ANO2: variants seen among roughly 807,000 people sequenced by gnomAD.
ANO2 encodes the protein anoctamin 2.
In ANO2, 101 loss-of-function variants were observed where a neutral mutation model predicts 124.2. That is an observed-to-expected ratio of 0.81 (90% confidence interval 0.69 to 0.96). The LOEUF is 0.96. ANO2 is among the 40% of genes least tolerant of loss of function. ANO2 has a pLI of 0.00. For missense variants in ANO2, 1,293 were observed against 1,274.5 expected, an observed-to-expected ratio of 1.01 and a Z score of -0.22; for synonymous variants, 486 against 482.5, an observed-to-expected ratio of 1.01 and a Z score of -0.09.
intron 10 of ANO2, among the ~76,000 whole-genome samples, chr12:5,758,671 G>T (rs1378746059): frequency 6.6e-6 from 1 of 152,164 alleles, no homozygotes; most frequent in East Asian, 1.9e-4. Flanking sequence ...AGTTTGTAGT[G>T]CAGTGCACTG....
At chr12:5,656,488 A>T (rs1393132059) in intron 14 of ANO2, among the ~76,000 whole-genome samples, 1 of 152,108 alleles carries the variant, frequency 6.6e-6, no homozygotes, top group Non-Finnish European at 1.5e-5. Context: ...CCCAGTTGTC[A>T]TGGGGTCTAC....
At chr12:5,839,107 T>C (rs979248407) in intron 4 of ANO2, among the ~76,000 whole-genome samples, 1 of 152,192 alleles carries the variant, frequency 6.6e-6, no homozygotes, top group African/African-American at 2.4e-5. Context: ...CCCTGAGAGA[T>C]GGGAGACAGA....
At chr12:5,767,944 G>A (rs1951947974) in intron 10 of ANO2, among the ~76,000 whole-genome samples, 2 of 152,118 alleles carry the variant, frequency 1.3e-5, no homozygotes, top group East Asian at 1.9e-4. Flanking sequence ...CAGTCCACTT[G>A]TTCATGAGAA....
chr12:5,742,841 C>G (rs1215208667), intron 12 of ANO2, among the ~76,000 whole-genome samples: 1 of 152,046 alleles, frequency 6.6e-6, no homozygotes, highest in African/African-American at 2.4e-5. Flanking sequence ...CAGTGACTTC[C>G]CAGGCAACAA....
At chr12:5,711,671 T>C (rs1949823746) in intron 14 of ANO2, among the ~76,000 whole-genome samples, 1 of 152,204 alleles carries the variant, frequency 6.6e-6, no homozygotes, top group Non-Finnish European at 1.5e-5. Flanking sequence ...ATCCAGACAG[T>C]GCCTGTACAT....
chr12:5,650,034 G>T (rs982815256), intron 14 of ANO2, among the ~76,000 whole-genome samples: 41 of 152,104 alleles, frequency 2.7e-4, no homozygotes, highest in African/African-American at 9.7e-4. Context: ...CACTCAATAG[G>T]GATTCTGAAG....
chr12:5,842,090 G>A (rs1447342566), intron 4 of ANO2, among the ~76,000 whole-genome samples: 1 of 152,020 alleles, frequency 6.6e-6, no homozygotes, highest in African/African-American at 2.4e-5. Context: ...TTGTTGGCCA[G>A]GTTGGTCTTG....
chr12:5,840,995 C>T (rs926831289), intron 4 of ANO2, among the ~76,000 whole-genome samples: 1 of 152,014 alleles, frequency 6.6e-6, no homozygotes, highest in East Asian at 1.9e-4. Context: ...ACCAGCTGGG[C>T]AAGGATGGAA....
At chr12:5,812,299 A>T (rs755430812) in intron 7 of ANO2, among the ~76,000 whole-genome samples, 1 of 120,350 alleles carries the variant, frequency 8.3e-6, no homozygotes, top group South Asian at 3.4e-4. Context: ...CAGGGGAAAG[A>T]AAGAAGAGGA....
chr12:5,720,441 C>G (rs1359612693), intron 14 of ANO2, among the ~76,000 whole-genome samples: 2 of 152,272 alleles, frequency 1.3e-5, no homozygotes, highest in Non-Finnish European at 2.9e-5. Flanking sequence ...AGTGAAATAA[C>G]GACCTTGGCC....
intron 14 of ANO2, among the ~76,000 whole-genome samples, chr12:5,697,836 G>A (rs61908145): frequency 0.12 from 18,179 of 152,244 alleles, 1,198 homozygotes; most frequent in East Asian, 0.21. Context: ...AGGGTCCCAC[G>A]CCCATGGAGC....
rs536793118 is a variant in ANO2 at position 5,627,116 on chromosome 12, C to T, written c.1816+8036G>A. The stretch of plus-strand genomic sequence containing the variant: ...TAGTCTTACATAACTGGTAGGGGTG[C>T]TCCACATACTTGGCCTATAACCGTA... On this transcript the variant is annotated intron_variant, in intron 16 of 24. Coordinates refer to ENST00000682330, the MANE Select transcript of ANO2 (RefSeq NM_001364791.2). Among the ~76,000 whole-genome samples, 5 of 152,328 alleles carry T rather than the reference C, an allele frequency of 3.3e-5. No individual in the cohort carries two copies. In the South Asian group the frequency reaches 6.2e-4, roughly 19 times the overall value.
At chr12:5,611,237 G>T (rs1944532539) in intron 19 of ANO2, among the ~76,000 whole-genome samples, 1 of 152,032 alleles carries the variant, frequency 6.6e-6, no homozygotes, top group Non-Finnish European at 1.5e-5. Flanking sequence ...CCAAAGTGCT[G>T]GGATTACAGC....
At chr12:5,713,167 G>C (rs746288875) in intron 14 of ANO2, among the ~76,000 whole-genome samples, 3 of 152,128 alleles carry the variant, frequency 2.0e-5, no homozygotes, top group Non-Finnish European at 4.4e-5. Flanking sequence ...CAGGGGATGA[G>C]CAGGAAGGGG....
At chr12:5,610,636 T>C (rs1284413718) in intron 19 of ANO2, among the ~76,000 whole-genome samples, 1 of 143,422 alleles carries the variant, frequency 7.0e-6, no homozygotes, top group Non-Finnish European at 1.5e-5. Context: ...TATATATGTA[T>C]ATATTTATAT....
chr12:5,916,975 G>A lies in ANO2; in HGVS notation c.534+4065C>T, dbSNP rs142234725. On this transcript the variant is annotated intron_variant, in intron 3 of 24. Coordinates refer to ENST00000682330, the MANE Select transcript of ANO2 (RefSeq NM_001364791.2). ...ACGCTGCAAGACAGTAGGCCACAAT[G>A]AGAGGTGGAAGTCTGATGACAGGGA... Among the ~76,000 whole-genome samples the A allele has an allele frequency of 3.9e-5, 6 of 152,298 alleles. No individual in the cohort carries two copies. In the South Asian group the frequency reaches 1.0e-3, roughly 26 times the overall value.
At chr12:5,828,492 T>C (rs939783043) in intron 6 of ANO2, among the ~76,000 whole-genome samples, 2 of 152,174 alleles carry the variant, frequency 1.3e-5, no homozygotes, top group Non-Finnish European at 2.9e-5. Context: ...TTGATGTCTT[T>C]ATTTCTCTGG....
rs1946513558 is a variant in ANO2, at chr12:5,644,015, T to G, written c.1620+3712A>C. ...TTATTAGGTATTTTATGAACTTAAA[T>G]TCTTAATTCTAATATAGTCAAATTT... On this transcript the variant is annotated intron_variant, in intron 15 of 24. Transcript: ENST00000682330. 3.9e-5 allele frequency among the ~76,000 whole-genome samples: 6 copies of G among 152,366 alleles called. No homozygotes were observed. The South Asian group carries it at 1.2e-3, about 32-fold the overall frequency.
intron 14 of ANO2, among the ~76,000 whole-genome samples, chr12:5,713,221 C>T (rs185185474): frequency 1.7e-3 from 255 of 152,210 alleles, no homozygotes; most frequent in Middle Eastern, 6.8e-3. Context: ...CCATGGTGCT[C>T]GTCGGGTGTG....
Sources: allele counts gnomAD v4.1 joint callset (sites outside exome capture counted in the v4.1 genomes callset), GRCh38; gene constraint gnomAD v4.1.1; transcripts MANE v1.5; gene names NCBI Gene and HGNC (gene_info 2026-07-23, HGNC 2026-07-21).